The following TAFA1 variants were observed in gnomAD, a reference collection of about 807,000 sequenced individuals.
TAFA1 encodes the protein TAFA chemokine like family member 1.
In TAFA1, 4 loss-of-function variants were observed where a neutral mutation model predicts 18.5. The observed-to-expected ratio is 0.22, with a 90% CI of 0.11 to 0.49. The LOEUF (loss-of-function observed/expected upper bound fraction) is 0.49, where lower values mean the gene tolerates loss of function less well. TAFA1 is among the 20% of genes least tolerant of loss of function. The pLI is 0.98. For missense variants in TAFA1, 147 were observed against 169.0 expected (o/e 0.87, Z 0.72); for synonymous variants, 56 against 55.2 (o/e 1.01, Z -0.06).
At chr3:68,196,481 A>G (rs191421553) in intron 2 of TAFA1, among the ~76,000 whole-genome samples, 1 of 151,888 alleles carries the variant, frequency 6.6e-6, no homozygotes, top group East Asian at 2.0e-4. Flanking sequence ...TGCACTCAGC[A>G]TTCTTTTAGT....
chr3:68,063,934 G>C (rs1031384353), intron 2 of TAFA1, among the ~76,000 whole-genome samples: 3 of 152,092 alleles, frequency 2.0e-5, no homozygotes, highest in Non-Finnish European at 4.4e-5. Context: ...TGCCAGAATT[G>C]CTTTTCTTTC....
At chr3:68,500,589 C>T (rs1217322588) in intron 3 of TAFA1, among the ~76,000 whole-genome samples, 2 of 152,062 alleles carry the variant, frequency 1.3e-5, no homozygotes, top group Admixed American at 1.3e-4. Context: ...AACTTAGTCA[C>T]ACCCATTTGT....
At chr3:68,170,496 A>AG (rs141412986) in intron 2 of TAFA1, among the ~76,000 whole-genome samples, 3,273 of 152,346 alleles carry the variant, frequency 0.021, 123 homozygotes, top group African/African-American at 0.075. Flanking sequence ...AATATTTTAA[A>AG]GGAAAAACTG....
At chr3:68,308,730 C>A (rs995690249) in intron 2 of TAFA1, among the ~76,000 whole-genome samples, 1 of 152,060 alleles carries the variant, frequency 6.6e-6, no homozygotes, top group Non-Finnish European at 1.5e-5. Flanking sequence ...TGATCATATG[C>A]TTATTAATGA....
intron 2 of TAFA1, among the ~76,000 whole-genome samples, chr3:68,244,411 T>A (rs2067039762): frequency 6.6e-6 from 1 of 152,220 alleles, no homozygotes; most frequent in Non-Finnish European, 1.5e-5. Context: ...CCATGATCCA[T>A]TTTAGTTAAT....
intron 4 of TAFA1, among the ~76,000 whole-genome samples, chr3:68,542,218 T>C (rs2073388844): frequency 6.6e-6 from 1 of 152,014 alleles, no homozygotes; most frequent in Non-Finnish European, 1.5e-5. Context: ...CAGCTTGGAG[T>C]AGAATAAATC....
intron 3 of TAFA1, among the ~76,000 whole-genome samples, chr3:68,441,205 G>A (rs969320460): frequency 3.3e-5 from 5 of 152,114 alleles, no homozygotes; most frequent in Non-Finnish European, 7.4e-5. Flanking sequence ...AAAGACTGCC[G>A]GTTTTGAGTG....
chr3:68,371,469 A>G (rs557960564), intron 2 of TAFA1, among the ~76,000 whole-genome samples: 1 of 152,202 alleles, frequency 6.6e-6, no homozygotes, highest in South Asian at 2.1e-4. Flanking sequence ...GAGCAAGAAC[A>G]TGAGGTGTTT....
intron 2 of TAFA1, among the ~76,000 whole-genome samples, chr3:68,085,628 G>C (rs948279955): frequency 6.6e-6 from 1 of 152,112 alleles, no homozygotes; most frequent in Admixed American, 6.5e-5. Context: ...GCCTTCCATA[G>C]AGCTTTGAAG....
intron 2 of TAFA1, among the ~76,000 whole-genome samples, chr3:68,294,457 T>C (rs1472893119): frequency 6.6e-6 from 1 of 152,238 alleles, no homozygotes; most frequent in Admixed American, 6.5e-5. Context: ...ACTTTCAGTG[T>C]ATCTATATTC....
chr3:68,504,315 C>G (rs1003845427), intron 3 of TAFA1, among the ~76,000 whole-genome samples: 1 of 152,116 alleles, frequency 6.6e-6, no homozygotes, highest in African/African-American at 2.4e-5. Context: ...GGCCCCTTAG[C>G]TGCCATCCTA....
At chr3:68,386,528 A>T (rs1212155813) in intron 2 of TAFA1, among the ~76,000 whole-genome samples, 2 of 152,150 alleles carry the variant, frequency 1.3e-5, no homozygotes, top group Non-Finnish European at 2.9e-5. Flanking sequence ...GGTGCTATGC[A>T]CATGATCTAG....
intron 2 of TAFA1, among the ~76,000 whole-genome samples, chr3:68,187,177 C>G (rs1017520509): frequency 1.3e-5 from 2 of 151,882 alleles, no homozygotes. Context: ...TACGTGTGTC[C>G]TCCATGCAAA....
At chr3:68,189,514 A>T (rs1011730333) in intron 2 of TAFA1, among the ~76,000 whole-genome samples, 7 of 151,780 alleles carry the variant, frequency 4.6e-5, no homozygotes, top group Non-Finnish European at 1.0e-4. Flanking sequence ...TCTGCCCATC[A>T]TCTTGATTTC....
At chr3:68,141,239 A>T (rs1415998846) in intron 2 of TAFA1, among the ~76,000 whole-genome samples, 2 of 152,166 alleles carry the variant, frequency 1.3e-5, no homozygotes, top group Non-Finnish European at 2.9e-5. Flanking sequence ...GAAATAAGCA[A>T]CATTTATGTG....
At chr3:68,078,932 A>G (rs1249678692) in intron 2 of TAFA1, among the ~76,000 whole-genome samples, 1 of 152,142 alleles carries the variant, frequency 6.6e-6, no homozygotes, top group Non-Finnish European at 1.5e-5. Flanking sequence ...CTGTGAATCC[A>G]TCTGGTCCTG....
At chr3:68,364,871 A>C (rs1413320689) in intron 2 of TAFA1, among the ~76,000 whole-genome samples, 1 of 152,200 alleles carries the variant, frequency 6.6e-6, no homozygotes, top group African/African-American at 2.4e-5. Context: ...GAAGAAACTG[A>C]GGCACAGAGA....
intron 3 of TAFA1, among the ~76,000 whole-genome samples, chr3:68,511,747 T>C (rs987571474): frequency 6.6e-6 from 1 of 152,058 alleles, no homozygotes; most frequent in Non-Finnish European, 1.5e-5. Flanking sequence ...GTAAATCTCT[T>C]TATTACAACT....
At chr3:68,189,528 G>T (rs2066312542) in intron 2 of TAFA1, among the ~76,000 whole-genome samples, 1 of 151,730 alleles carries the variant, frequency 6.6e-6, no homozygotes, top group South Asian at 2.1e-4. Flanking sequence ...TGATTTCATG[G>T]CCTCATTGAG....
Sources: allele counts gnomAD v4.1 joint callset (sites outside exome capture counted in the v4.1 genomes callset), GRCh38; gene constraint gnomAD v4.1.1; transcripts MANE v1.5; gene names NCBI Gene and HGNC (gene_info 2026-07-23, HGNC 2026-07-21).